Variants in DLGAP2 observed in about 807,000 individuals in gnomAD.
DLGAP2 encodes DLG associated protein 2, also known as disks large-associated protein 2.
A neutral mutation model predicts 100.3 loss-of-function variants in DLGAP2; 26 were observed. The ratio of observed to expected loss-of-function variants is 0.26; its 90% CI spans 0.19 to 0.36. The LOEUF is 0.36. Among genes scored for constraint, DLGAP2 ranks in the 10% least tolerant of loss-of-function variants. The pLI, the probability that DLGAP2 is intolerant of heterozygous loss-of-function variation, is 1.00. For synonymous variants in DLGAP2, 886 were observed against 630.1 expected, an observed-to-expected ratio of 1.41 and a Z score of -6.08; for missense variants, 1,858 against 1,453.2, an observed-to-expected ratio of 1.28 and a Z score of -4.53.
intron 2 of DLGAP2, among the ~76,000 whole-genome samples, chr8:1,176,857 G>C (rs1160898314): frequency 6.6e-6 from 1 of 152,094 alleles, no homozygotes; most frequent in African/African-American, 2.4e-5. Flanking sequence ...CCCTCTCATG[G>C]AGTAGCAGAG....
At chr8:1,699,348 G>A (rs1799504205) in intron 14 of DLGAP2, among the ~76,000 whole-genome samples, 1 of 151,880 alleles carries the variant, frequency 6.6e-6, no homozygotes, top group Admixed American at 6.6e-5. Flanking sequence ...GATCACGCCT[G>A]TAATCCCAGC....
In DLGAP2 at chr8:779,301, C is replaced by T. The variant is rs543654081; in HGVS notation, c.18+41476C>T. Reference sequence around the variant, plus strand: ...TGGAAATGCAGAAATCACCCGTCTTCTGCCTTGCTCATGCTGGGAGCTGTA... The same window carrying T: ...TGGAAATGCAGAAATCACCCGTCTTTTGCCTTGCTCATGCTGGGAGCTGTA... On this transcript the variant is annotated intron_variant, in intron 1 of 14. Coordinates refer to ENST00000637795, the MANE Select transcript of DLGAP2 (RefSeq NM_001346810.2). 9.8e-4 allele frequency among the ~76,000 whole-genome samples: 150 copies of T among 152,346 alleles called. 1 individual carries two copies. The highest frequency in any genetic ancestry group is 3.4e-3 in the African/African-American group (143 of 41,588).
intron 1 of DLGAP2, among the ~76,000 whole-genome samples, chr8:782,908 C>T (rs1446138886): frequency 6.6e-6 from 1 of 152,204 alleles, no homozygotes; most frequent in Non-Finnish European, 1.5e-5. Flanking sequence ...AATCACAATA[C>T]TCTGTTAGGG....
At chr8:1,087,976 C>T (rs1409103128) in intron 2 of DLGAP2, among the ~76,000 whole-genome samples, 1 of 152,226 alleles carries the variant, frequency 6.6e-6, no homozygotes, top group Non-Finnish European at 1.5e-5. Context: ...ATGTGGCCTC[C>T]TTATCCATCC....
chr8:1,034,470 G>A lies in DLGAP2; in HGVS notation c.73+126504G>A, dbSNP rs1165487765. Among the ~76,000 whole-genome samples the A allele has an allele frequency of 2.1e-4, 10 of 47,248 alleles. 1 individual carries two copies. Among genetic ancestry groups the A allele is most frequent in the Admixed American group, 1.1e-3 (6 of 5,386 alleles). The allele number at this position is 47,248 out of a possible 152,430, so 31.0% of individuals were successfully genotyped here. A position where few individuals can be genotyped will look rare whatever the true frequency, so the allele number is the denominator to read the frequency against. ...TCATCCCAACCCCGCGTGTCACCAC[G>A]AGTGGGTTCACAGCCTCATCCCGAC... On this transcript the variant is annotated intron_variant, in intron 2 of 14. Coordinates refer to ENST00000637795, the MANE Select transcript of DLGAP2 (RefSeq NM_001346810.2).
intron 3 of DLGAP2, among the ~76,000 whole-genome samples, chr8:1,470,295 C>T (rs150784680): frequency 5.3e-5 from 8 of 152,278 alleles, no homozygotes; most frequent in African/African-American, 1.2e-4. Context: ...CCATCCAGCA[C>T]TTCTCAGCCC....
At chr8:1,459,328 A>G (rs1730754740) in intron 3 of DLGAP2, among the ~76,000 whole-genome samples, 1 of 152,152 alleles carries the variant, frequency 6.6e-6, no homozygotes, top group South Asian at 2.1e-4. Context: ...AGTGACAGCC[A>G]GCTGGTTTAC....
chr8:912,074 C>G (rs920669573), intron 2 of DLGAP2, among the ~76,000 whole-genome samples: 2 of 152,154 alleles, frequency 1.3e-5, no homozygotes, highest in Non-Finnish European at 2.9e-5. Flanking sequence ...CAGCCTTTAT[C>G]CTGAGTTTTT....
At chr8:1,145,251 C>T (rs1388562850) in intron 2 of DLGAP2, among the ~76,000 whole-genome samples, 4 of 152,112 alleles carry the variant, frequency 2.6e-5, no homozygotes, top group Admixed American at 6.6e-5. Context: ...ACCCAGCCAC[C>T]ATCCGGAAAC....
At chr8:1,229,790 T>C (rs778502838) in intron 2 of DLGAP2, among the ~76,000 whole-genome samples, 1 of 152,122 alleles carries the variant, frequency 6.6e-6, no homozygotes, top group South Asian at 2.1e-4. Context: ...CTGAGTACAT[T>C]TGGGGAAAGC....
intron 2 of DLGAP2, chr8:1,002,499 C>G (rs1026163502): frequency 6.6e-6 from 1 of 152,252 alleles, no homozygotes; most frequent in Admixed American, 6.5e-5. Context: ...GGAATGACTG[C>G]TGTACACACA....
chr8:1,380,899 A>G (rs1309782681), intron 3 of DLGAP2, among the ~76,000 whole-genome samples: 4 of 138,440 alleles, frequency 2.9e-5, no homozygotes, highest in East Asian at 2.4e-4. Flanking sequence ...GACCATTTGT[A>G]TCATCTCAGA....
intron 8 of DLGAP2, among the ~76,000 whole-genome samples, chr8:1,638,130 T>G (rs1797812854): frequency 1.3e-5 from 2 of 152,092 alleles, no homozygotes. Flanking sequence ...CCTGCAGAAT[T>G]CGGAGGTCAC....
rs116529764 is a variant in DLGAP2 at position 1,255,587 on chromosome 8, T to C, written c.74-3264T>C. ...AGCTGTGTGTGTGTCCTTTCCTGCC[T>C]GAGCACTGTATGTGTGTCCTCTCTT... On this transcript the variant is annotated intron_variant, in intron 2 of 14. Coordinates refer to ENST00000637795, the MANE Select transcript of DLGAP2 (RefSeq NM_001346810.2). Among the ~76,000 whole-genome samples the C allele has an allele frequency of 5.0e-3, 501 of 99,308 alleles. 24 individuals carry two copies. The highest frequency in any genetic ancestry group is 0.022 in the African/African-American group (356 of 16,266). The allele number at this position is 99,308 out of a possible 152,430, so 65.1% of individuals were successfully genotyped here.
intron 2 of DLGAP2, among the ~76,000 whole-genome samples, chr8:1,013,608 G>A (rs866571629): frequency 3.4e-4 from 48 of 140,904 alleles, no homozygotes; most frequent in Admixed American, 6.2e-4. Context: ...CGCCTCCACT[G>A]TGTGTGTGAC....
At chr8:1,374,537 A>T (rs1055516982) in intron 3 of DLGAP2, among the ~76,000 whole-genome samples, 1 of 152,220 alleles carries the variant, frequency 6.6e-6, no homozygotes, top group Non-Finnish European at 1.5e-5. Flanking sequence ...AAGGGCATTC[A>T]GGTGGATTTG....
At chr8:1,494,067 T>A (rs1178148872) in intron 3 of DLGAP2, among the ~76,000 whole-genome samples, 1 of 152,072 alleles carries the variant, frequency 6.6e-6, no homozygotes, top group African/African-American at 2.4e-5. Context: ...GATGAACCCA[T>A]AAACACATAA....
At position 931,863 on chromosome 8, in the gene DLGAP2, G is replaced by A. The variant is rs115067936; in HGVS notation, c.73+23897G>A. On this transcript the variant is annotated intron_variant, in intron 2 of 14. Coordinates refer to ENST00000637795, the MANE Select transcript of DLGAP2 (RefSeq NM_001346810.2). ...AAACAACATAATGTATGTAAAACCC[G>A]CAATTTTGAGTCCTTTTGCTGGAAT... is the stretch of plus-strand genomic sequence containing the variant. Among the ~76,000 whole-genome samples, 800 of 152,208 alleles carry A rather than the reference G, an allele frequency of 5.3e-3. 13 individuals are homozygous for A. The highest frequency in any genetic ancestry group is 0.019 in the African/African-American group (773 of 41,524).
At chr8:830,168 T>A (rs1796754570) in intron 1 of DLGAP2, among the ~76,000 whole-genome samples, 2 of 152,186 alleles carry the variant, frequency 1.3e-5, no homozygotes, top group Admixed American at 6.5e-5. Flanking sequence ...AAGTTTTAAT[T>A]TTTGTGGGTA....
Sources: gnomAD v4.1 joint callset for allele counts (sites outside exome capture counted in the v4.1 genomes callset) on GRCh38, gnomAD v4.1.1 for gene constraint, MANE v1.5 for transcripts, NCBI Gene and HGNC (gene_info 2026-07-23, HGNC 2026-07-21) for gene names.